Variants in DGKI observed in about 807,000 individuals in gnomAD.
The protein encoded by DGKI is diacylglycerol kinase iota.
DGKI carries 55 observed loss-of-function variants against 147.5 expected under a neutral mutation model. The observed-to-expected ratio is 0.37, with a 90% CI of 0.30 to 0.47. The LOEUF (loss-of-function observed/expected upper bound fraction) is 0.47. Ranked by LOEUF, DGKI falls within the 20% of genes least tolerant of loss-of-function variation. The pLI is 1.00. For missense variants in DGKI, 1,007 were observed against 1,323.8 expected, an observed-to-expected ratio of 0.76 and a Z score of 3.71; for synonymous variants, 469 against 477.1, an observed-to-expected ratio of 0.98 and a Z score of 0.22.
chr7:137,593,073 A>C (rs1161772507), intron 12 of DGKI, among the ~76,000 whole-genome samples: 1 of 152,178 alleles, frequency 6.6e-6, no homozygotes, highest in Non-Finnish European at 1.5e-5. Context: ...GATGTCTACC[A>C]TTTGGGATGC....
At chr7:137,416,760 C>T (rs1438654757) in intron 28 of DGKI, among the ~76,000 whole-genome samples, 1 of 152,176 alleles carries the variant, frequency 6.6e-6, no homozygotes, top group Non-Finnish European at 1.5e-5. Flanking sequence ...CCCCATATCG[C>T]TCCCAAGCAT....
At chr7:137,677,730 A>T (rs911380511) in intron 3 of DGKI, among the ~76,000 whole-genome samples, 64 of 152,192 alleles carry the variant, frequency 4.2e-4, no homozygotes, top group Non-Finnish European at 7.3e-4. Flanking sequence ...ATATTTTTTT[A>T]AAAAAGAAAA....
chr7:137,759,882 T>C (rs1420251826), intron 1 of DGKI, among the ~76,000 whole-genome samples: 2 of 152,108 alleles, frequency 1.3e-5, no homozygotes, highest in Non-Finnish European at 2.9e-5. Context: ...CTTGATATTC[T>C]CATGCCTCAT....
At chr7:137,559,015 T>A (rs934253532) in intron 19 of DGKI, among the ~76,000 whole-genome samples, 43 of 150,082 alleles carry the variant, frequency 2.9e-4, no homozygotes, top group Non-Finnish European at 5.8e-4. Flanking sequence ...GCTGCTACAA[T>A]CACTTTCAGA....
rs577719809 is a variant in DGKI at position 137,476,876 on chromosome 7, A to G, written c.2374-7257T>C. 3.3e-5 allele frequency among the ~76,000 whole-genome samples: 5 copies of G among 152,344 alleles called. No individual in the cohort carries two copies. The South Asian group carries it at 1.0e-3, about 32-fold the overall frequency. ...TACTTCAGAGCTCATGACCTTATGC[A>G]CAGGGTTTTACAGCTTCTAGAGGAA... On this transcript the variant is annotated intron_variant, in intron 23 of 32. Coordinates refer to ENST00000614521, the MANE Select transcript of DGKI (RefSeq NM_001321708.2).
intron 1 of DGKI, among the ~76,000 whole-genome samples, chr7:137,699,186 C>T (rs974024720): frequency 2.0e-5 from 3 of 152,150 alleles, no homozygotes; most frequent in Non-Finnish European, 4.4e-5. Context: ...TTGCTTAGGT[C>T]TCTTTTAAAG....
intron 25 of DGKI, among the ~76,000 whole-genome samples, 165 bp from the exon 26 acceptor site, chr7:137,466,200 G>C (rs1814652227): frequency 6.6e-6 from 1 of 152,292 alleles, no homozygotes. Flanking sequence ...GACAGTGGGA[G>C]ATAGGGAGAG....
chr7:137,545,037 A>G (rs1482526678), intron 20 of DGKI, among the ~76,000 whole-genome samples: 1 of 152,230 alleles, frequency 6.6e-6, no homozygotes, highest in Admixed American at 6.5e-5. Context: ...TGTTAAAAAC[A>G]TGAACTTTGA....
intron 6 of DGKI, among the ~76,000 whole-genome samples, chr7:137,643,535 G>A (rs191040095): frequency 3.2e-3 from 488 of 152,256 alleles, no homozygotes; most frequent in Non-Finnish European, 5.3e-3. Flanking sequence ...AGAATTCATG[G>A]AGAAGCTGCA....
At chr7:137,756,968 G>A (rs1336133474) in intron 1 of DGKI, among the ~76,000 whole-genome samples, 1 of 152,092 alleles carries the variant, frequency 6.6e-6, no homozygotes, top group African/African-American at 2.4e-5. Flanking sequence ...TTTTGGATGT[G>A]TTTGGGGTAT....
chr7:137,742,505 G>A (rs1795202754), intron 1 of DGKI, among the ~76,000 whole-genome samples: 1 of 152,050 alleles, frequency 6.6e-6, no homozygotes, highest in South Asian at 2.1e-4. Flanking sequence ...GCCCACAGTA[G>A]CTCCCGTCAC....
At chr7:137,612,524 A>C (rs191710222) in intron 8 of DGKI, among the ~76,000 whole-genome samples, 1 of 152,238 alleles carries the variant, frequency 6.6e-6, no homozygotes, top group Admixed American at 6.5e-5. Flanking sequence ...ATATGTATCT[A>C]TCTCTACCTC....
chr7:137,399,230 T>C (rs1811660705), intron 30 of DGKI, among the ~76,000 whole-genome samples: 2 of 152,198 alleles, frequency 1.3e-5, no homozygotes, highest in Admixed American at 1.3e-4. Flanking sequence ...ATACTATGTA[T>C]TTGCTTTTTG....
chr7:137,549,404 G>A (rs529168815), intron 20 of DGKI, among the ~76,000 whole-genome samples: 6 of 152,204 alleles, frequency 3.9e-5, no homozygotes, highest in Non-Finnish European at 7.4e-5. Flanking sequence ...CAGCACTTAC[G>A]TCTCGAATAT....
At chr7:137,417,301 T>G (rs1211657582) in intron 28 of DGKI, among the ~76,000 whole-genome samples, 4 of 152,224 alleles carry the variant, frequency 2.6e-5, no homozygotes, top group African/African-American at 9.6e-5. Flanking sequence ...CACAAACTTA[T>G]GAAGACAGGA....
chr7:137,761,464 A>G (rs1795854170), intron 1 of DGKI, among the ~76,000 whole-genome samples: 1 of 152,192 alleles, frequency 6.6e-6, no homozygotes, highest in Non-Finnish European at 1.5e-5. Flanking sequence ...ACATTTGTAA[A>G]ACAACCACAG....
intron 28 of DGKI, among the ~76,000 whole-genome samples, chr7:137,432,097 T>C (rs1446801351): frequency 6.6e-6 from 1 of 152,192 alleles, no homozygotes; most frequent in Non-Finnish European, 1.5e-5. Context: ...GCTCCAGCCA[T>C]GTAGGATGTG....
intron 1 of DGKI, among the ~76,000 whole-genome samples, chr7:137,762,700 T>G (rs1197755555): frequency 6.6e-6 from 1 of 152,150 alleles, no homozygotes; most frequent in Admixed American, 6.5e-5. Context: ...TCAATAGCTC[T>G]CCCCAAGCCC....
At chr7:137,716,301 A>T (rs879650157) in intron 1 of DGKI, among the ~76,000 whole-genome samples, 5 of 152,240 alleles carry the variant, frequency 3.3e-5, no homozygotes, top group Non-Finnish European at 5.9e-5. Context: ...TGTCAGAATA[A>T]AAACTGCAAG....
Sources: allele counts gnomAD v4.1 joint callset (sites outside exome capture counted in the v4.1 genomes callset), GRCh38; gene constraint gnomAD v4.1.1; transcripts MANE v1.5; gene names NCBI Gene and HGNC (gene_info 2026-07-23, HGNC 2026-07-21).